The following EYA1 variants were observed in gnomAD, a reference collection of about 807,000 sequenced individuals.
EYA1 encodes the protein protein phosphatase EYA1.
Under a neutral mutation model 82.0 loss-of-function variants are expected in EYA1, and 16 were observed. The ratio of observed to expected loss-of-function variants is 0.20; its 90% confidence interval spans 0.13 to 0.30. The LOEUF is 0.30. Ranked by LOEUF, EYA1 falls within the 10% of genes least tolerant of loss-of-function variation. The pLI, the probability that EYA1 is intolerant of heterozygous loss-of-function variation, is 1.00. For synonymous variants in EYA1, 261 were observed against 264.4 expected, an observed-to-expected ratio of 0.99 and a Z score of 0.12; for missense variants, 633 against 730.7, an observed-to-expected ratio of 0.87 and a Z score of 1.54.
chr8:71,299,915 G>T (rs946121275), intron 7 of EYA1, among the ~76,000 whole-genome samples, 195 bp from the exon 8 acceptor site: 3 of 152,106 alleles, frequency 2.0e-5, no homozygotes, highest in African/African-American at 7.2e-5. Flanking sequence ...AAACAAAGAG[G>T]TTTAAATTTC....
intron 11 of EYA1, among the ~76,000 whole-genome samples, chr8:71,266,479 G>C (rs1815828046): frequency 6.6e-6 from 1 of 152,062 alleles, no homozygotes; most frequent in Admixed American, 6.5e-5. Flanking sequence ...TCATTAAGTA[G>C]ACTTCCTTGC....
chr8:71,225,397 C>T, intron 12 of EYA1: 5 of 430,160 alleles, frequency 1.2e-5, no homozygotes, highest in African/African-American at 2.0e-5. Flanking sequence ...CACCTGGTGA[C>T]CTCCTATTTC....
intron 11 of EYA1, among the ~76,000 whole-genome samples, chr8:71,258,171 A>G (rs1352039788): frequency 1.3e-5 from 2 of 152,200 alleles, no homozygotes; most frequent in Non-Finnish European, 2.9e-5. Context: ...TGTTAATTTA[A>G]AAGCTCCTTG....
At chr8:71,506,589 G>T (rs1245235761) in intron 2 of EYA1, among the ~76,000 whole-genome samples, 2 of 152,164 alleles carry the variant, frequency 1.3e-5, no homozygotes, top group East Asian at 1.9e-4. Context: ...GTGTAAAAAG[G>T]GTTTGTTGTT....
chr8:71,520,902 C>G (rs1335581590), intron 2 of EYA1, among the ~76,000 whole-genome samples: 1 of 151,902 alleles, frequency 6.6e-6, no homozygotes, highest in Non-Finnish European at 1.5e-5. Context: ...TAAGGAATTG[C>G]AATTATATTA....
At chr8:71,384,887 T>G (rs1162171632) in intron 2 of EYA1, among the ~76,000 whole-genome samples, 2 of 152,244 alleles carry the variant, frequency 1.3e-5, no homozygotes, top group African/African-American at 4.8e-5. Context: ...TAGATTGTAG[T>G]GTTGATCATT....
chr8:71,272,257 C>G lies in EYA1; in HGVS notation c.827-360G>C, dbSNP rs140250329. Among the ~76,000 whole-genome samples the G allele has an allele frequency of 6.0e-3, 911 of 152,226 alleles. 10 individuals carry two copies. Among genetic ancestry groups the G allele is most frequent in the African/African-American group, 0.021 (873 of 41,544 alleles). ...GCACCTGGCCATACTGAGAGGCTCA[C>G]ACATTTGCCTCAGCTGTGGCTCTCT... On this transcript the variant is annotated intron_variant, in intron 9 of 17. Transcript: ENST00000340726.
chr8:71,346,414 A>AT (rs1341397172), intron 3 of EYA1, among the ~76,000 whole-genome samples: 1 of 132,478 alleles, frequency 7.5e-6, no homozygotes, highest in African/African-American at 2.9e-5. Context: ...ACACACTTTT[A>AT]TTTTTTTACT....
At chr8:71,540,403 T>C (rs1025732065) in intron 1 of EYA1, among the ~76,000 whole-genome samples, 1 of 152,194 alleles carries the variant, frequency 6.6e-6, no homozygotes, top group African/African-American at 2.4e-5. Context: ...ATTATTATTT[T>C]AGTTCTAGCT....
intron 2 of EYA1, among the ~76,000 whole-genome samples, chr8:71,402,191 G>C (rs1829994605): frequency 6.6e-6 from 1 of 152,156 alleles, no homozygotes; most frequent in Non-Finnish European, 1.5e-5. Flanking sequence ...CTGTGCTCCT[G>C]CAAGGAATCA....
intron 2 of EYA1, among the ~76,000 whole-genome samples, chr8:71,487,459 T>C (rs13250862): frequency 0.12 from 18,486 of 152,224 alleles, 1,479 homozygotes; most frequent in Non-Finnish European, 0.17. Flanking sequence ...ATTTTCTACC[T>C]GTATCCATAA....
At chr8:71,492,215 A>C (rs889217770) in intron 2 of EYA1, among the ~76,000 whole-genome samples, 1 of 152,186 alleles carries the variant, frequency 6.6e-6, no homozygotes, top group Non-Finnish European at 1.5e-5. Context: ...AGGACAGCAG[A>C]TTTGCCCCAG....
intron 12 of EYA1, among the ~76,000 whole-genome samples, chr8:71,224,524 C>T (rs1203378488): frequency 2.7e-4 from 41 of 152,216 alleles, no homozygotes; most frequent in Admixed American, 2.6e-3. Flanking sequence ...AATTTAGATA[C>T]TTGCCTGATA....
chr8:71,450,428 G>C (rs542654746), intron 2 of EYA1, among the ~76,000 whole-genome samples: 13 of 152,130 alleles, frequency 8.5e-5, no homozygotes, highest in Admixed American at 5.2e-4. Context: ...ATGGGAGAGC[G>C]GGTGGTAAGT....
intron 9 of EYA1, among the ~76,000 whole-genome samples, chr8:71,281,356 C>A (rs1039705404): frequency 6.6e-6 from 1 of 152,340 alleles, no homozygotes; most frequent in South Asian, 2.1e-4. Flanking sequence ...CCTTTCTCCT[C>A]CTACAGCAGG....
chr8:71,442,819 C>G (rs930215997), intron 2 of EYA1, among the ~76,000 whole-genome samples: 3 of 152,250 alleles, frequency 2.0e-5, no homozygotes, highest in Admixed American at 6.5e-5. Flanking sequence ...GAACATGTGT[C>G]CCCTATTTAT....
chr8:71,254,279 CTG>C, intron 11 of EYA1, among the ~76,000 whole-genome samples: 1 of 97,230 alleles, frequency 1.0e-5, no homozygotes. Context: ...GAAAAGGAAA[CTG>C]AATCTAACTA....
At chr8:71,274,940 G>T (rs1043439133) in intron 9 of EYA1, among the ~76,000 whole-genome samples, 2 of 152,190 alleles carry the variant, frequency 1.3e-5, no homozygotes, top group Non-Finnish European at 2.9e-5. Context: ...GCGAGTGAAC[G>T]AGAGCAAGCG....
At chr8:71,421,605 G>A (rs769931618) in intron 2 of EYA1, among the ~76,000 whole-genome samples, 3 of 152,098 alleles carry the variant, frequency 2.0e-5, no homozygotes, top group African/African-American at 2.4e-5. Flanking sequence ...TTGTGGATAC[G>A]AAAGTCCTAA....
Sources: gnomAD v4.1 joint callset for allele counts (sites outside exome capture counted in the v4.1 genomes callset) on GRCh38, gnomAD v4.1.1 for gene constraint, MANE v1.5 for transcripts, NCBI Gene and HGNC (gene_info 2026-07-23, HGNC 2026-07-21) for gene names.